Variants in SNX29 observed in about 807,000 individuals in gnomAD.
SNX29 encodes the protein sorting nexin-29.
In SNX29, 78 loss-of-function variants were observed where a neutral mutation model predicts 102.1. The ratio of observed to expected loss-of-function variants is 0.76; its 90% CI spans 0.64 to 0.92. SNX29 has a LOEUF of 0.92. SNX29 is among the 40% of genes least tolerant of loss of function. The pLI is 0.00. For synonymous variants in SNX29, 580 were observed against 414.5 expected (o/e 1.40, Z -4.85); for missense variants, 1,280 against 1,061.7 (o/e 1.21, Z -2.86).
intron 13 of SNX29, among the ~76,000 whole-genome samples, chr16:12,160,234 C>T (rs940095948): frequency 6.6e-6 from 1 of 152,200 alleles, no homozygotes; most frequent in African/African-American, 2.4e-5. Flanking sequence ...ACTCCACTTT[C>T]TGACTGTATT....
At chr16:12,434,446 G>C (rs1475967153) in intron 18 of SNX29, among the ~76,000 whole-genome samples, 1 of 152,198 alleles carries the variant, frequency 6.6e-6, no homozygotes, top group Non-Finnish European at 1.5e-5. Flanking sequence ...AGGGGGAGCA[G>C]GGCGAGGGAG....
rs544531531 is a variant in SNX29, at chr16:12,547,855, A to G, written c.2319-20651A>G. 4.6e-5 allele frequency among the ~76,000 whole-genome samples: 7 copies of G among 152,310 alleles called. No homozygotes were observed. The South Asian group carries it at 1.2e-3, about 27-fold the overall frequency. On this transcript the variant is annotated intron_variant, in intron 20 of 20. Transcript: ENST00000566228. Reference sequence around the variant, plus strand: ...AGCCCCAGATTCCAAACTGGAGTTTAGCAAAATGAGCCACTTCCTTCAGCA... The same window carrying G: ...AGCCCCAGATTCCAAACTGGAGTTTGGCAAAATGAGCCACTTCCTTCAGCA...
intron 13 of SNX29, among the ~76,000 whole-genome samples, chr16:12,181,699 G>A (rs1015170951): frequency 4.0e-5 from 2 of 50,608 alleles, no homozygotes; most frequent in Admixed American, 3.1e-4. Flanking sequence ...TGGGAGGTCT[G>A]TTGGTGATTG....
intron 11 of SNX29, among the ~76,000 whole-genome samples, chr16:12,102,283 G>C (rs1413181658): frequency 1.3e-5 from 2 of 152,206 alleles, no homozygotes; most frequent in Non-Finnish European, 2.9e-5. Context: ...TATATACCCA[G>C]TAATGGGATT....
intron 13 of SNX29, among the ~76,000 whole-genome samples, chr16:12,177,324 A>G (rs1195836091): frequency 2.0e-5 from 3 of 152,094 alleles, no homozygotes; most frequent in African/African-American, 7.2e-5. Context: ...GCCTCAGTTT[A>G]CTTAGCTGTA....
chr16:12,387,556 G>C (rs1328071524), intron 16 of SNX29, among the ~76,000 whole-genome samples: 1 of 152,180 alleles, frequency 6.6e-6, no homozygotes, highest in South Asian at 2.1e-4. Flanking sequence ...GGGTGAGAAA[G>C]GCCATTTTGT....
At chr16:12,365,413 G>A (rs1381257363) in intron 16 of SNX29, among the ~76,000 whole-genome samples, 2 of 151,592 alleles carry the variant, frequency 1.3e-5, no homozygotes, top group Admixed American at 6.6e-5. Flanking sequence ...TCGGAGGCCG[G>A]GCGTGGTGGC....
At chr16:12,456,180 T>G (rs1273883699) in intron 18 of SNX29, among the ~76,000 whole-genome samples, 4 of 152,158 alleles carry the variant, frequency 2.6e-5, no homozygotes, top group Non-Finnish European at 4.4e-5. Context: ...ATATGTATAA[T>G]TAGTATTTGT....
At chr16:12,310,955 C>G (rs1432365135) in intron 15 of SNX29, among the ~76,000 whole-genome samples, 1 of 152,124 alleles carries the variant, frequency 6.6e-6, no homozygotes, top group Admixed American at 6.5e-5. Flanking sequence ...TTTGTTCTTT[C>G]CTAAATAACA....
chr16:12,545,037 CTG>C (rs1331942603), intron 20 of SNX29, among the ~76,000 whole-genome samples: 2 of 152,138 alleles, frequency 1.3e-5, no homozygotes, highest in Non-Finnish European at 2.9e-5. Context: ...GTAGCCAGGT[CTG>C]TGATGCCCTG....
At chr16:12,452,802 G>A (rs999275200) in intron 18 of SNX29, among the ~76,000 whole-genome samples, 2 of 152,152 alleles carry the variant, frequency 1.3e-5, no homozygotes, top group African/African-American at 4.8e-5. Context: ...GACAGGAACT[G>A]TCACCTCTGC....
At chr16:12,122,320 G>C (rs1596971410) in intron 11 of SNX29, among the ~76,000 whole-genome samples, 1 of 152,132 alleles carries the variant, frequency 6.6e-6, no homozygotes, top group Non-Finnish European at 1.5e-5. Context: ...GGCTTGGTTT[G>C]AGTCAGTAGG....
In SNX29 at chr16:12,574,105, C is replaced by T. The variant is rs905032276; in HGVS notation, c.*5476C>T. 5.3e-6 allele frequency: 1 copy of T among 187,056 alleles called. No homozygotes were observed. Among genetic ancestry groups the T allele is most frequent in the African/African-American group, 2.3e-5 (1 of 42,772 alleles). The allele number at this position is 187,056 out of a possible 1,614,324, so 11.6% of individuals were successfully genotyped here. A position where few individuals can be genotyped will look rare whatever the true frequency, so the allele number is the denominator to read the frequency against. Reference sequence around the variant, plus strand: ...CCTGAAACCTGTAGTATTATCTTAACTACCCTCTTATGTTAAGGTTTACAT... The same window carrying T: ...CCTGAAACCTGTAGTATTATCTTAATTACCCTCTTATGTTAAGGTTTACAT... On this transcript the variant is annotated 3_prime_UTR_variant, in exon 21 of 21. Transcript: ENST00000566228.
At chr16:12,134,247 G>A (rs989065408) in intron 13 of SNX29, among the ~76,000 whole-genome samples, 2 of 152,188 alleles carry the variant, frequency 1.3e-5, no homozygotes, top group Admixed American at 6.5e-5. Context: ...TCTTGTCATC[G>A]TATTATGGCA....
chr16:12,560,555 C>T (rs545116919), intron 20 of SNX29, among the ~76,000 whole-genome samples: 32 of 152,290 alleles, frequency 2.1e-4, no homozygotes, highest in Admixed American at 1.8e-3. Context: ...TGAAACGTTG[C>T]TCAGTGTGAT....
chr16:12,433,186 C>T (rs1441812946), intron 18 of SNX29, among the ~76,000 whole-genome samples: 4 of 152,170 alleles, frequency 2.6e-5, no homozygotes, highest in Non-Finnish European at 5.9e-5. Flanking sequence ...TCTTGGTTAG[C>T]CACAGTTCTG....
chr16:12,558,220 G>A (rs1281229174), intron 20 of SNX29, among the ~76,000 whole-genome samples: 2 of 50,796 alleles, frequency 3.9e-5, no homozygotes, highest in African/African-American at 1.8e-4. Context: ...CCATCACAGA[G>A]CCTCTCTTCA....
intron 16 of SNX29, among the ~76,000 whole-genome samples, chr16:12,368,560 A>G (rs928053530): frequency 2.4e-4 from 36 of 152,258 alleles, no homozygotes; most frequent in African/African-American, 7.0e-4. Context: ...CAAAGCCCAG[A>G]ATATATTTTG....
chr16:12,392,417 C>T (rs1351815974), intron 16 of SNX29, among the ~76,000 whole-genome samples: 2 of 152,144 alleles, frequency 1.3e-5, no homozygotes, highest in African/African-American at 2.4e-5. Flanking sequence ...TTTCCCCATG[C>T]CCTTTGCCTC....
Sources: allele counts gnomAD v4.1 joint callset (sites outside exome capture counted in the v4.1 genomes callset), GRCh38; gene constraint gnomAD v4.1.1; transcripts MANE v1.5; gene names NCBI Gene and HGNC (gene_info 2026-07-23, HGNC 2026-07-21).